DDX10: variants seen among roughly 807,000 people sequenced by gnomAD.
DDX10 encodes the protein DEAD-box helicase 10.
A neutral mutation model predicts 104.3 loss-of-function variants in DDX10; 74 were observed. The ratio of observed to expected loss-of-function variants is 0.71; its 90% CI spans 0.59 to 0.86. DDX10 has a LOEUF of 0.86. Ranked by LOEUF, DDX10 falls within the 40% of genes least tolerant of loss-of-function variation. The pLI, the probability that DDX10 is intolerant of heterozygous loss-of-function variation, is 0.00. For synonymous variants in DDX10, 351 were observed against 353.4 expected (o/e 0.99, Z 0.08); for missense variants, 952 against 1,040.0 (o/e 0.92, Z 1.16).
intron 13 of DDX10, among the ~76,000 whole-genome samples, chr11:108,820,238 A>G (rs1862308464): frequency 1.3e-5 from 2 of 152,142 alleles, no homozygotes; most frequent in Admixed American, 6.5e-5. Context: ...TAAATTCTGA[A>G]AGGTTTAGAT....
chr11:108,854,084 C>T (rs1862832886), intron 16 of DDX10, among the ~76,000 whole-genome samples: 1 of 152,140 alleles, frequency 6.6e-6, no homozygotes, highest in Admixed American at 6.5e-5. Flanking sequence ...TCAAACATTC[C>T]TCAAGACACT....
At chr11:108,824,163 C>T (rs1275557888) in intron 13 of DDX10, among the ~76,000 whole-genome samples, 1 of 152,204 alleles carries the variant, frequency 6.6e-6, no homozygotes, top group East Asian at 1.9e-4. Context: ...CTGCCTCAGC[C>T]TCCCCAGTAG....
intron 16 of DDX10, among the ~76,000 whole-genome samples, chr11:108,885,826 T>C (rs1477556614): frequency 6.6e-6 from 1 of 152,178 alleles, no homozygotes; most frequent in African/African-American, 2.4e-5. Context: ...ATAACAAGTG[T>C]AATACTCCCA....
intron 13 of DDX10, among the ~76,000 whole-genome samples, chr11:108,815,187 A>T (rs1303052848): frequency 2.0e-5 from 3 of 152,200 alleles, no homozygotes; most frequent in African/African-American, 7.2e-5. Flanking sequence ...CTTTTGGTTT[A>T]TATACTCCTG....
intron 12 of DDX10, among the ~76,000 whole-genome samples, chr11:108,720,886 C>T (rs1250248183): frequency 7.1e-6 from 1 of 140,164 alleles, no homozygotes; most frequent in Non-Finnish European, 1.6e-5. Context: ...AGCCACTGTG[C>T]CTGGCCGGGT....
rs1258724739 is a variant in DDX10, at chr11:108,671,406, C to G, written c.187-2061C>G. On this transcript the variant is annotated intron_variant, in intron 1 of 17. Transcript: ENST00000322536. ...CTTGAACTCCTGACCCCAGGTGATC[C>G]GCCTGCCTTGGCCTCCCAAAGTGTT... is the stretch of plus-strand genomic sequence containing the variant. Among the ~76,000 whole-genome samples, 4 of 152,204 alleles carry G rather than the reference C, an allele frequency of 2.6e-5. 1 individual carries two copies. Among genetic ancestry groups the G allele is most frequent in the Admixed American group, 2.0e-4 (3 of 15,276 alleles).
chr11:108,780,055 G>A (rs911447274), intron 13 of DDX10, among the ~76,000 whole-genome samples: 2 of 152,250 alleles, frequency 1.3e-5, no homozygotes, highest in South Asian at 4.2e-4. Flanking sequence ...GGTTGATCAA[G>A]GATTAAACTA....
In DDX10 at chr11:108,832,963, A is replaced by T. The variant is rs115286288; in HGVS notation, c.1966-5483A>T. On this transcript the variant is annotated intron_variant, in intron 13 of 17. Coordinates refer to ENST00000322536, the MANE Select transcript of DDX10 (RefSeq NM_004398.4). ...GCTAACAGCACCTGATCCTTAGGAG[A>T]GAAACCGAGGTTGCTGAAGAGGACA... 4.4e-3 allele frequency among the ~76,000 whole-genome samples: 666 copies of T among 152,352 alleles called. 1 individual carries two copies. The highest frequency in any genetic ancestry group is 0.015 in the African/African-American group (642 of 41,576).
At chr11:108,733,603 T>A (rs1248267050) in intron 13 of DDX10, among the ~76,000 whole-genome samples, 3 of 152,082 alleles carry the variant, frequency 2.0e-5, no homozygotes, top group African/African-American at 7.2e-5. Context: ...AGCACTGGAG[T>A]CTGTACTTAG....
chr11:108,803,581 C>CG (rs1267477804), intron 13 of DDX10, among the ~76,000 whole-genome samples: 52 of 32,858 alleles, frequency 1.6e-3, no homozygotes, highest in Middle Eastern at 0.04. Flanking sequence ...GCAACAAGAG[C>CG]GAAAAAAAAA....
chr11:108,905,731 C>G (rs1316647699), intron 16 of DDX10, among the ~76,000 whole-genome samples: 2 of 152,078 alleles, frequency 1.3e-5, no homozygotes, highest in Non-Finnish European at 2.9e-5. Context: ...CTGTATTAGG[C>G]TGTTGTTGCA....
intron 17 of DDX10, among the ~76,000 whole-genome samples, chr11:108,924,226 A>G (rs1442132124): frequency 6.6e-6 from 1 of 152,214 alleles, no homozygotes; most frequent in African/African-American, 2.4e-5. Flanking sequence ...AAAGGTGATG[A>G]TTCAACTCTT....
intron 16 of DDX10, among the ~76,000 whole-genome samples, chr11:108,871,722 G>C (rs900450842): frequency 6.6e-6 from 1 of 151,996 alleles, no homozygotes; most frequent in Non-Finnish European, 1.5e-5. Flanking sequence ...GAGGTAGGGG[G>C]TTCTGAGACC....
At chr11:108,833,205 T>C (rs1046061135) in intron 13 of DDX10, among the ~76,000 whole-genome samples, 7 of 152,214 alleles carry the variant, frequency 4.6e-5, no homozygotes, top group Non-Finnish European at 8.8e-5. Flanking sequence ...CAAACATCTC[T>C]CCCTCAAAAG....
chr11:108,722,251 G>A (rs1311701275), intron 12 of DDX10, among the ~76,000 whole-genome samples: 1 of 152,132 alleles, frequency 6.6e-6, no homozygotes, highest in African/African-American at 2.4e-5. Flanking sequence ...GTGGGTCCAT[G>A]TTATGATGTT....
chr11:108,734,260 T>C (rs1034011366), intron 13 of DDX10, among the ~76,000 whole-genome samples: 1 of 152,194 alleles, frequency 6.6e-6, no homozygotes, highest in Non-Finnish European at 1.5e-5. Flanking sequence ...TCCGAATTTT[T>C]GCTACCATGA....
intron 13 of DDX10, among the ~76,000 whole-genome samples, chr11:108,726,887 A>G (rs1286385433): frequency 1.3e-5 from 2 of 152,066 alleles, no homozygotes; most frequent in Non-Finnish European, 2.9e-5. Flanking sequence ...TAGTGTTTTT[A>G]TGATAAAATG....
At chr11:108,812,105 G>T (rs1253396601) in intron 13 of DDX10, among the ~76,000 whole-genome samples, 1 of 152,030 alleles carries the variant, frequency 6.6e-6, no homozygotes, top group Admixed American at 6.6e-5. Context: ...CTTTGCTTTT[G>T]ATAGCCTGCA....
intron 16 of DDX10, among the ~76,000 whole-genome samples, chr11:108,874,229 T>G (rs1045736229): frequency 1.3e-5 from 2 of 152,220 alleles, no homozygotes; most frequent in African/African-American, 2.4e-5. Context: ...AATAAATTTT[T>G]TTTGAAAAGT....
Sources: gnomAD v4.1 joint callset for allele counts (sites outside exome capture counted in the v4.1 genomes callset) on GRCh38, gnomAD v4.1.1 for gene constraint, MANE v1.5 for transcripts, NCBI Gene and HGNC (gene_info 2026-07-23, HGNC 2026-07-21) for gene names.